Variants in ZNF618 observed in about 807,000 individuals in gnomAD.
The protein encoded by ZNF618 is neural precursor cell expressed, developmentally down-regulated 10.
ZNF618 carries 34 observed loss-of-function variants against 103.0 expected under a neutral mutation model. The ratio of observed to expected loss-of-function variants is 0.33; its 90% CI spans 0.25 to 0.44. The LOEUF is 0.44. ZNF618 is among the 20% of genes least tolerant of loss of function. The pLI is 1.00. For missense variants in ZNF618, 1,059 were observed against 1,295.4 expected (o/e 0.82, Z 2.80); for synonymous variants, 551 against 542.2 (o/e 1.02, Z -0.23).
At chr9:113,918,652 A>AT (rs1210181444) in intron 1 of ZNF618, among the ~76,000 whole-genome samples, 1 of 150,596 alleles carries the variant, frequency 6.6e-6, no homozygotes, top group Admixed American at 6.6e-5. Context: ...TACCATCATT[A>AT]TTTTTTTTTC....
intron 1 of ZNF618, among the ~76,000 whole-genome samples, chr9:113,880,455 C>T (rs567368091): frequency 6.6e-6 from 1 of 152,190 alleles, no homozygotes; most frequent in African/African-American, 2.4e-5. Context: ...GTTATGGCTG[C>T]CTGGATCACT....
intron 12 of ZNF618, among the ~76,000 whole-genome samples, chr9:114,033,982 A>G (rs965090540): frequency 6.6e-6 from 1 of 152,088 alleles, no homozygotes; most frequent in African/African-American, 2.4e-5. Context: ...TTACTCACAT[A>G]TGAACCCCAG....
intron 1 of ZNF618, among the ~76,000 whole-genome samples, chr9:113,947,782 A>G (rs988731974): frequency 4.6e-5 from 7 of 152,324 alleles, no homozygotes; most frequent in Non-Finnish European, 1.0e-4. Flanking sequence ...AAGAGTCTCA[A>G]CTAGAAAAAC....
At chr9:113,940,407 A>G (rs1486916059) in intron 1 of ZNF618, among the ~76,000 whole-genome samples, 1 of 152,006 alleles carries the variant, frequency 6.6e-6, no homozygotes, top group African/African-American at 2.4e-5. Context: ...TGTGTTTTTT[A>G]TCCTCATGTT....
intron 1 of ZNF618, among the ~76,000 whole-genome samples, chr9:113,916,253 T>C (rs975271236): frequency 6.6e-6 from 1 of 152,134 alleles, no homozygotes; most frequent in African/African-American, 2.4e-5. Context: ...GTTATATGGC[T>C]GCAATAAAAA....
chr9:114,001,784 G>A (rs1218904721), intron 4 of ZNF618, among the ~76,000 whole-genome samples: 1 of 152,134 alleles, frequency 6.6e-6, no homozygotes, highest in Non-Finnish European at 1.5e-5. Context: ...GAGATGGGGG[G>A]GTGCCTTGCC....
chr9:113,893,850 A>G (rs112736707), intron 1 of ZNF618, among the ~76,000 whole-genome samples: 5,501 of 152,254 alleles, frequency 0.036, 93 homozygotes, highest in African/African-American at 0.046. Context: ...TTAGTTTAAC[A>G]CATTTCCATA....
In ZNF618 at chr9:114,051,991, G is replaced by A. The variant is rs899060476; in HGVS notation, c.*1824G>A. 1 of 152,488 alleles carries A rather than the reference G, an allele frequency of 6.6e-6. No individual in the cohort carries two copies. The allele number at this position is 152,488 out of a possible 1,614,324, so 9.4% of individuals were successfully genotyped here. On this transcript the variant is annotated 3_prime_UTR_variant, in exon 15 of 15. Transcript: ENST00000374126. ...GCTGAGAATGGCCATCATGGCGGGA[G>A]GCTGTTTGCAAAGGCACCTTCTGTC...
intron 1 of ZNF618, among the ~76,000 whole-genome samples, chr9:113,907,493 A>G (rs1831091585): frequency 6.6e-6 from 1 of 152,140 alleles, no homozygotes. Flanking sequence ...CCGGGCAGGG[A>G]CTTTCCCAGG....
chr9:113,977,905 A>T (rs1247947327), intron 2 of ZNF618, among the ~76,000 whole-genome samples: 1 of 152,216 alleles, frequency 6.6e-6, no homozygotes, highest in East Asian at 1.9e-4. Context: ...TAATATTTAA[A>T]TCATATACCA....
At chr9:114,047,053 G>T (rs905241934) in intron 13 of ZNF618, among the ~76,000 whole-genome samples, 2 of 152,224 alleles carry the variant, frequency 1.3e-5, no homozygotes, top group African/African-American at 4.8e-5. Flanking sequence ...GTATATGATA[G>T]AAGTGCATGT....
intron 1 of ZNF618, among the ~76,000 whole-genome samples, chr9:113,898,580 C>G (rs575320393): frequency 2.7e-4 from 41 of 152,044 alleles, no homozygotes; most frequent in African/African-American, 9.7e-4. Context: ...GTGTGCACCA[C>G]CATGCCCAGC....
At chr9:113,980,528 T>C (rs1035704649) in intron 2 of ZNF618, among the ~76,000 whole-genome samples, 2 of 152,124 alleles carry the variant, frequency 1.3e-5, no homozygotes, top group Non-Finnish European at 2.9e-5. Flanking sequence ...AAGACCAGCC[T>C]GGGCAACATA....
chr9:114,018,208 G>T (rs1842799670), intron 10 of ZNF618, among the ~76,000 whole-genome samples: 1 of 152,224 alleles, frequency 6.6e-6, no homozygotes. Context: ...ATCTTGTGTG[G>T]AGAGAGAGGA....
intron 3 of ZNF618, among the ~76,000 whole-genome samples, chr9:113,988,929 C>A (rs1237503753): frequency 6.6e-6 from 1 of 152,206 alleles, no homozygotes; most frequent in African/African-American, 2.4e-5. Context: ...TGCTCGGTGT[C>A]CTAAATGCCT....
At chr9:113,898,437 CG>C (rs1244767235) in intron 1 of ZNF618, among the ~76,000 whole-genome samples, 5 of 118,106 alleles carry the variant, frequency 4.2e-5, no homozygotes, top group African/African-American at 1.5e-4. Context: ...TCAGATTTTT[CG>C]TTTTTTTTTT....
chr9:114,045,092 A>G (rs777168566), intron 13 of ZNF618, among the ~76,000 whole-genome samples: 3 of 151,824 alleles, frequency 2.0e-5, no homozygotes, highest in Non-Finnish European at 4.4e-5. Flanking sequence ...AGAGTTCTTT[A>G]TATACTCTAG....
At position 114,030,633 on chromosome 9, in the gene ZNF618, G is replaced by T. The variant is rs1020159788; in HGVS notation, c.1084+1661G>T. 2.0e-5 allele frequency among the ~76,000 whole-genome samples: 3 copies of T among 152,188 alleles called. No homozygotes were observed. In the South Asian group the frequency reaches 6.2e-4, roughly 31 times the overall value. ...ACCTCTGGATTCACCAGCTGAGCAG[G>T]TCAGAGGGCATCCGGTTGGGAGCAG... On this transcript the variant is annotated intron_variant, in intron 11 of 14. Transcript: ENST00000374126.
At chr9:113,964,068 A>G (rs190850884) in intron 1 of ZNF618, among the ~76,000 whole-genome samples, 306 of 152,304 alleles carry the variant, frequency 2.0e-3, no homozygotes, top group African/African-American at 7.2e-3. Context: ...TCCTAATTAT[A>G]GCACTGTGAA....
Sources: gnomAD v4.1 joint callset for allele counts (sites outside exome capture counted in the v4.1 genomes callset) on GRCh38, gnomAD v4.1.1 for gene constraint, MANE v1.5 for transcripts, NCBI Gene and HGNC (gene_info 2026-07-23, HGNC 2026-07-21) for gene names.